Variants in CPAP observed in about 807,000 individuals in gnomAD.
CPAP encodes the protein centrosome assembly and centriole elongation protein.
chr13:24,883,238 C>A, the CPAP span: 1 of 1,614,104 alleles, frequency 6.2e-7, no homozygotes, highest in Non-Finnish European at 8.5e-7. Context: ...CCGACCGGAT[C>A]TGTACTTCGT....
At chr13:24,904,265 C>G in the CPAP span, among the ~76,000 whole-genome samples, 3 of 152,156 alleles carry the variant, frequency 2.0e-5, no homozygotes, top group African/African-American at 7.2e-5. Context: ...AAGAATTAAT[C>G]TACCTCAAAA....
At chr13:24,886,402 G>T in the CPAP span, 1 of 1,273,944 alleles carries the variant, frequency 7.8e-7, no homozygotes, top group Admixed American at 2.3e-5. Flanking sequence ...GACAGGAATG[G>T]TTCCATTACA....
chr13:24,908,782 TA>T, the CPAP span, among the ~76,000 whole-genome samples: 22 of 152,294 alleles, frequency 1.4e-4, no homozygotes, highest in African/African-American at 5.3e-4. Flanking sequence ...CTTTAAAAGA[TA>T]TTTTGGGATA....
the CPAP span, among the ~76,000 whole-genome samples, chr13:24,924,035 G>T: frequency 6.6e-6 from 1 of 151,958 alleles, no homozygotes; most frequent in Non-Finnish European, 1.5e-5. Context: ...GGGTTTCACC[G>T]TGTTAGCCAG....
the CPAP span, among the ~76,000 whole-genome samples, chr13:24,921,142 T>C: frequency 2.4e-4 from 37 of 152,194 alleles, no homozygotes; most frequent in Non-Finnish European, 4.7e-4. Context: ...GAATTCTCTA[T>C]AAGTCAGTAT....
the CPAP span, among the ~76,000 whole-genome samples, chr13:24,902,998 A>C: frequency 6.6e-6 from 1 of 152,270 alleles, no homozygotes; most frequent in Non-Finnish European, 1.5e-5. Flanking sequence ...AACACCTGGA[A>C]TAAAAAGTAC....
At chr13:24,895,243 T>C in the CPAP span, among the ~76,000 whole-genome samples, 1 of 152,230 alleles carries the variant, frequency 6.6e-6, no homozygotes, top group African/African-American at 2.4e-5. Flanking sequence ...GCCCGGCTCC[T>C]TGCAGCGCAG....
chr13:24,883,487 G>A, the CPAP span: 1 of 739,072 alleles, frequency 1.4e-6, no homozygotes, highest in Non-Finnish European at 2.2e-6. Context: ...GACATCCCTT[G>A]GTTATCCCTA....
the CPAP span, among the ~76,000 whole-genome samples, chr13:24,916,818 T>C: frequency 2.6e-5 from 4 of 152,216 alleles, no homozygotes; most frequent in Admixed American, 6.5e-5. Flanking sequence ...CAGCTAATCA[T>C]GGTAATCATA....
the CPAP span, among the ~76,000 whole-genome samples, chr13:24,914,408 C>T: frequency 6.6e-6 from 1 of 152,282 alleles, no homozygotes; most frequent in East Asian, 1.9e-4. Context: ...GGCTTCACTT[C>T]TTACACAGTA....
the CPAP span, among the ~76,000 whole-genome samples, chr13:24,897,815 C>A: frequency 6.6e-6 from 1 of 152,210 alleles, no homozygotes; most frequent in African/African-American, 2.4e-5. Context: ...TACCAAACGA[C>A]TGGAAAATCT....
At chr13:24,914,754 C>A in the CPAP span, among the ~76,000 whole-genome samples, 1 of 151,966 alleles carries the variant, frequency 6.6e-6, no homozygotes. Context: ...CCAGCCTGGG[C>A]AACAGAACAA....
At chr13:24,926,040 G>C in the CPAP span, 1 of 152,326 alleles carries the variant, frequency 6.6e-6, no homozygotes, top group Non-Finnish European at 1.5e-5. Context: ...TCCCCTAGCT[G>C]CTCTTACACT....
At chr13:24,886,284 T>C in the CPAP span, 3 of 1,287,726 alleles carry the variant, frequency 2.3e-6, no homozygotes, top group Non-Finnish European at 3.0e-6. Context: ...TGTTAAAAAG[T>C]GTAACAGAGC....
At chr13:24,908,085 G>C in the CPAP span, 1 of 1,612,940 alleles carries the variant, frequency 6.2e-7, no homozygotes, top group Non-Finnish European at 8.5e-7. Flanking sequence ...TTTGCTTCCT[G>C]AATCTGTTCT....
At chr13:24,922,546 T>C in the CPAP span, among the ~76,000 whole-genome samples, 5 of 152,224 alleles carry the variant, frequency 3.3e-5, no homozygotes, top group African/African-American at 1.2e-4. Flanking sequence ...TCCCCAGCTC[T>C]GCGAAGAACA....
At chr13:24,885,204 T>A in the CPAP span, 2 of 1,026,158 alleles carry the variant, frequency 1.9e-6, no homozygotes, top group Non-Finnish European at 1.5e-6. Flanking sequence ...TATTTTAGAT[T>A]CTATGTGTTT....
the CPAP span, chr13:24,885,505 A>ACTC: frequency 3.4e-6 from 4 of 1,182,280 alleles, no homozygotes; most frequent in Middle Eastern, 1.9e-4. Context: ...TTAAGTAAAA[A>ACTC]CTCTTTTTTA....
the CPAP span, chr13:24,903,959 C>T: frequency 3.7e-6 from 6 of 1,614,072 alleles, no homozygotes; most frequent in South Asian, 2.2e-5. Context: ...TCGTTCAATG[C>T]GAAGTTTAGC....
Sources: allele counts gnomAD v4.1 joint callset (sites outside exome capture counted in the v4.1 genomes callset), GRCh38; gene constraint gnomAD v4.1.1; transcripts MANE v1.5; gene names NCBI Gene and HGNC (gene_info 2026-07-23, HGNC 2026-07-21).